SCYL2: variants seen among roughly 807,000 people sequenced by gnomAD.
The protein encoded by SCYL2 is SCY1 like pseudokinase 2.
Under a neutral mutation model 100.4 loss-of-function variants are expected in SCYL2, and 36 were observed. That is an observed-to-expected ratio of 0.36 (90% confidence interval 0.27 to 0.47). The LOEUF (loss-of-function observed/expected upper bound fraction) is 0.47, where lower values mean the gene tolerates loss of function less well. Among genes scored for constraint, SCYL2 ranks in the 20% least tolerant of loss-of-function variants. The probability of loss-of-function intolerance (pLI) is 1.00; values close to 1 mark genes in which losing one functional copy is unlikely to be tolerated. For synonymous variants in SCYL2, 330 were observed against 359.2 expected, an observed-to-expected ratio of 0.92 and a Z score of 0.92; for missense variants, 902 against 1,083.9, an observed-to-expected ratio of 0.83 and a Z score of 2.36.
chr12:100,283,157 A>C lies in SCYL2; in HGVS notation c.177+10A>C, dbSNP rs1245272198. 1 of 1,582,606 alleles carries C rather than the reference A, an allele frequency of 6.3e-7. No individual in the cohort carries two copies. The highest frequency in any genetic ancestry group is 8.6e-7 in the Non-Finnish European group (1 of 1,164,876). On this transcript the variant is annotated intron_variant, in intron 2 of 17. Coordinates refer to ENST00000360820, the MANE Select transcript of SCYL2 (RefSeq NM_017988.6). ...AAAGTCAACAAAGCAGGTGAGTTTT[A>C]ATTCAGCATCCACTTGGAAAAAACC...
chr12:100,307,773 A>G (rs1174327846), intron 4 of SCYL2, among the ~76,000 whole-genome samples: 1 of 152,232 alleles, frequency 6.6e-6, no homozygotes, highest in Non-Finnish European at 1.5e-5. Flanking sequence ...TCCAGAATCT[A>G]CAAGGAACTT....
At chr12:100,309,096 G>T (rs2162680) in intron 4 of SCYL2, among the ~76,000 whole-genome samples, 121,936 of 151,702 alleles carry the variant, frequency 0.8, 49,963 homozygotes, top group East Asian at 1. Context: ...TGATTTTTGG[G>T]TATTTTGATT....
At chr12:100,316,737 A>C (rs981964253) in intron 9 of SCYL2, among the ~76,000 whole-genome samples, 9 of 152,250 alleles carry the variant, frequency 5.9e-5, no homozygotes, top group Admixed American at 5.9e-4. Flanking sequence ...CAGTCAAGAT[A>C]GTACCCTAAG....
Position 100,299,642 on chromosome 12 carries a change from G to A in SCYL2, c.480+1467G>A, listed in dbSNP as rs1185585093. On this transcript the variant is annotated intron_variant, in intron 4 of 17. Coordinates refer to ENST00000360820, the MANE Select transcript of SCYL2 (RefSeq NM_017988.6). ...ATGGTACCTATTCTTTTTCGGTCTG[G>A]CTTCTTTTAACCAACATAATTATTT... Among the ~76,000 whole-genome samples the A allele has an allele frequency of 2.6e-5, 4 of 151,688 alleles. No homozygotes were observed. The East Asian group carries it at 5.8e-4, about 22-fold the overall frequency.
chr12:100,295,471 G>A (rs1028007230), intron 3 of SCYL2, among the ~76,000 whole-genome samples: 23 of 152,058 alleles, frequency 1.5e-4, no homozygotes, highest in African/African-American at 4.8e-4. Context: ...CGAGGCTGGC[G>A]GATCACTCGC....
chr12:100,323,543 A>G lies in SCYL2; in HGVS notation c.1414A>G (p.Ile472Val), dbSNP rs775384667. 6.9e-6 allele frequency: 11 copies of G among 1,590,856 alleles called. 1 individual carries two copies. Among genetic ancestry groups the G allele is most frequent in the South Asian group, 6.7e-5 (6 of 89,228 alleles). The change falls in exon 11 of 18, where the codon ATT becomes GTT. Residue 472 changes from isoleucine to valine, a missense_variant. Physicochemically the swap from Ile to Val is conservative, Grantham distance 29. Coordinates refer to ENST00000360820, the MANE Select transcript of SCYL2 (RefSeq NM_017988.6). ...IQIQELCLNI[I>V]PTFANLIDYP... is the part of the protein sequence containing the mutation. ...TTTATAGGAGCTCTGTCTAAACATC[A>G]TTCCAACCTTTGCAAATCTTATAGA... is the stretch of plus-strand genomic sequence containing the variant.
intron 15 of SCYL2, 28 bp downstream of exon 15, chr12:100,335,719 A>G: frequency 6.3e-7 from 1 of 1,599,422 alleles, no homozygotes; most frequent in African/African-American, 1.3e-5. Context: ...TTTTGCAGAA[A>G]GTATGCTTCA....
At chr12:100,308,828 A>G (rs1474931831) in intron 4 of SCYL2, among the ~76,000 whole-genome samples, 1 of 152,148 alleles carries the variant, frequency 6.6e-6, no homozygotes, top group Non-Finnish European at 1.5e-5. Context: ...CCCTTAGAGC[A>G]TGTGTGCTAG....
intron 9 of SCYL2, among the ~76,000 whole-genome samples, chr12:100,317,045 A>G (rs2096349643): frequency 6.6e-6 from 1 of 151,762 alleles, no homozygotes; most frequent in Non-Finnish European, 1.5e-5. Flanking sequence ...GCGGTAAGCT[A>G]TGATCGCGCC....
chr12:100,331,357 C>T (rs1952206584), intron 13 of SCYL2, among the ~76,000 whole-genome samples: 1 of 152,142 alleles, frequency 6.6e-6, no homozygotes, highest in African/African-American at 2.4e-5. Context: ...CCTGTCATCC[C>T]AGCACTTTGG....
chr12:100,318,059 A>T (rs371664409), intron 10 of SCYL2, 134 bp downstream of exon 10: 10 of 764,136 alleles, frequency 1.3e-5, no homozygotes, highest in African/African-American at 1.3e-4. Flanking sequence ...TTTGAATCAC[A>T]TTATTGATAT....
At chr12:100,323,482 A>T (rs11110340) in intron 10 of SCYL2, 43 bp from the exon 11 acceptor site, 176,932 of 1,144,214 alleles carry the variant, frequency 0.15, 15,306 homozygotes, top group Non-Finnish European at 0.18. Context: ...GAGAGAAAAG[A>T]TGAGTCTTTC....
chr12:100,315,921 TTGC>T (rs1345845529), intron 9 of SCYL2, among the ~76,000 whole-genome samples, 187 bp downstream of exon 9: 2 of 152,214 alleles, frequency 1.3e-5, no homozygotes, highest in East Asian at 3.8e-4. Context: ...TGATTGAACT[TTGC>T]AGTTAAATGT....
At chr12:100,280,852 T>C (rs2096297276) in intron 1 of SCYL2, among the ~76,000 whole-genome samples, 1 of 152,032 alleles carries the variant, frequency 6.6e-6, no homozygotes, top group Non-Finnish European at 1.5e-5. Context: ...TTAGGATAAA[T>C]ATTCAACCTG....
At chr12:100,270,202 G>A (rs2096286092) in intron 1 of SCYL2, among the ~76,000 whole-genome samples, 1 of 151,954 alleles carries the variant, frequency 6.6e-6, no homozygotes, top group Non-Finnish European at 1.5e-5. Context: ...TAGGCAGGAG[G>A]GTCTCGATCT....
chr12:100,291,736 T>C, intron 3 of SCYL2, 76 bp downstream of exon 3: 1 of 1,390,320 alleles, frequency 7.2e-7, no homozygotes, highest in Non-Finnish European at 9.7e-7. Flanking sequence ...TGAAATCTGT[T>C]TCAAGTATTG....
chr12:100,288,889 AT>A (rs1169631890), intron 2 of SCYL2, among the ~76,000 whole-genome samples: 4 of 150,242 alleles, frequency 2.7e-5, no homozygotes, highest in East Asian at 3.9e-4. Flanking sequence ...TTTATTTAAA[AT>A]TTTTTTTTTG....
chr12:100,294,191 C>T (rs2096314293), intron 3 of SCYL2, among the ~76,000 whole-genome samples: 1 of 146,442 alleles, frequency 6.8e-6, no homozygotes, highest in Non-Finnish European at 1.5e-5. Context: ...GAAGGGGTGG[C>T]TGGCCAGGCG....
chr12:100,328,760 G>T (rs1952170568), intron 12 of SCYL2, among the ~76,000 whole-genome samples: 1 of 152,196 alleles, frequency 6.6e-6, no homozygotes, highest in Non-Finnish European at 1.5e-5. Context: ...TGTTGAGTTT[G>T]ATTTGCTGAA....
Sources: allele counts gnomAD v4.1 joint callset (sites outside exome capture counted in the v4.1 genomes callset), GRCh38; gene constraint gnomAD v4.1.1; transcripts MANE v1.5; gene names NCBI Gene and HGNC (gene_info 2026-07-23, HGNC 2026-07-21).